Variants in CCSER2 observed in about 807,000 individuals in gnomAD.
The protein encoded by CCSER2 is coiled-coil serine rich protein 2, also known as serine-rich coiled-coil domain-containing protein 2.
In CCSER2, 46 loss-of-function variants were observed where a neutral mutation model predicts 92.3. That is an observed-to-expected ratio of 0.50 (90% CI 0.39 to 0.64). The LOEUF is 0.64. Among genes scored for constraint, CCSER2 ranks in the 30% least tolerant of loss-of-function variants. CCSER2 has a pLI of 0.00. For synonymous variants in CCSER2, 433 were observed against 431.4 expected (o/e 1.00, Z -0.04); for missense variants, 1,244 against 1,238.9 (o/e 1.00, Z -0.06).
rs569304020 is a variant in CCSER2, at chr10:84,394,187, A to T, written c.1614+20372A>T. ...TAGATTATGTTACAATATGAAGTTCAGTTCAATAATTCTTGAGCTTCTACT... is the reference window on the plus strand; with the variant it reads ...TAGATTATGTTACAATATGAAGTTCTGTTCAATAATTCTTGAGCTTCTACT... On this transcript the variant is annotated intron_variant, in intron 3 of 9. Coordinates refer to ENST00000372088, the MANE Select transcript of CCSER2 (RefSeq NM_001284240.2). Among the ~76,000 whole-genome samples the T allele has an allele frequency of 2.0e-5, 3 of 152,320 alleles. 1 individual carries two copies. In the South Asian group the frequency reaches 6.2e-4, roughly 32 times the overall value.
chr10:84,346,209 C>T (rs778156655), intron 1 of CCSER2, among the ~76,000 whole-genome samples: 1 of 152,130 alleles, frequency 6.6e-6, no homozygotes, highest in Non-Finnish European at 1.5e-5. Context: ...GGATTACAGG[C>T]ATGCACCACC....
chr10:84,356,743 A>T (rs1845194569), intron 1 of CCSER2, among the ~76,000 whole-genome samples: 1 of 152,160 alleles, frequency 6.6e-6, no homozygotes, highest in Non-Finnish European at 1.5e-5. Context: ...ATGCATTAGT[A>T]CCTGTTTTAC....
chr10:84,453,756 T>C (rs1845433990), intron 6 of CCSER2, among the ~76,000 whole-genome samples: 2 of 152,228 alleles, frequency 1.3e-5, no homozygotes, highest in Admixed American at 1.3e-4. Context: ...TTTCAGGCTA[T>C]TGTATCAGGT....
At chr10:84,432,522 C>T (rs1028528864) in intron 5 of CCSER2, among the ~76,000 whole-genome samples, 1 of 152,176 alleles carries the variant, frequency 6.6e-6, no homozygotes, top group East Asian at 1.9e-4. Flanking sequence ...TCTCTTCCAG[C>T]GTTAATTCGC....
intron 4 of CCSER2, among the ~76,000 whole-genome samples, chr10:84,423,054 CAA>C (rs201299980): frequency 7.3e-5 from 9 of 122,562 alleles, no homozygotes; most frequent in African/African-American, 6.0e-5. Flanking sequence ...GACTTCATCT[CAA>C]AAAAAAAAAA....
intron 1 of CCSER2, among the ~76,000 whole-genome samples, chr10:84,349,350 G>A (rs1389952197): frequency 6.6e-6 from 1 of 152,108 alleles, no homozygotes; most frequent in Non-Finnish European, 1.5e-5. Context: ...ACTGAGTCCT[G>A]TAGTTTCTCT....
Position 84,385,004 on chromosome 10 carries a change from AACACACACAC to A in CCSER2, c.1614+11210_1614+11219del, listed in dbSNP as rs56977232. On this transcript the variant is annotated intron_variant, in intron 3 of 9. Transcript: ENST00000372088. Reference sequence around the variant, plus strand: ...TGAGAGCTGAAATCAATTTACAATAAACACACACACACACACACACACACACACACCCAGG... The same window carrying A: ...TGAGAGCTGAAATCAATTTACAATAAACACACACACACACACACACCCAGG... Among the ~76,000 whole-genome samples, 126 of 145,886 alleles carry A rather than the reference AACACACACAC, an allele frequency of 8.6e-4. 2 individuals are homozygous for A. The highest frequency in any genetic ancestry group is 7.5e-3 in the Admixed American group (110 of 14,616).
intron 9 of CCSER2, among the ~76,000 whole-genome samples, chr10:84,511,963 C>T (rs1322733528): frequency 8.6e-5 from 13 of 152,042 alleles, no homozygotes; most frequent in Admixed American, 2.0e-4. Flanking sequence ...TTCTGCAATA[C>T]GATTTGATGT....
At chr10:84,346,343 C>A (rs954500379) in intron 1 of CCSER2, among the ~76,000 whole-genome samples, 1 of 151,406 alleles carries the variant, frequency 6.6e-6, no homozygotes, top group Non-Finnish European at 1.5e-5. Flanking sequence ...GGATTACAGG[C>A]GTGAGCCACC....
In CCSER2 at chr10:84,465,303, T is replaced by C. The variant is rs553129645; in HGVS notation, c.2148+1287T>C. On this transcript the variant is annotated intron_variant, in intron 7 of 9. Coordinates refer to ENST00000372088, the MANE Select transcript of CCSER2 (RefSeq NM_001284240.2). The stretch of plus-strand genomic sequence containing the variant: ...TGTGTGTGTGTGTGAAAAAGTTTTT[T>C]ACATGTAAAGATTTTTTTTTTTTTT... 2.7e-5 allele frequency among the ~76,000 whole-genome samples: 4 copies of C among 149,304 alleles called. No individual in the cohort carries two copies. In the South Asian group the frequency reaches 8.5e-4, roughly 32 times the overall value.
intron 6 of CCSER2, among the ~76,000 whole-genome samples, chr10:84,451,296 G>A (rs1209561262): frequency 1.3e-5 from 2 of 150,252 alleles, no homozygotes; most frequent in Non-Finnish European, 3.0e-5. Context: ...AAAGAACAGG[G>A]TCTTGCTGTG....
At chr10:84,469,971 TG>T (rs1199740805) in intron 7 of CCSER2, among the ~76,000 whole-genome samples, 7 of 151,900 alleles carry the variant, frequency 4.6e-5, no homozygotes, top group African/African-American at 1.7e-4. Context: ...GCTACTCTTA[TG>T]TATCCCTTGA....
At chr10:84,511,790 G>A (rs948184847) in intron 9 of CCSER2, among the ~76,000 whole-genome samples, 1 of 152,152 alleles carries the variant, frequency 6.6e-6, no homozygotes, top group Non-Finnish European at 1.5e-5. Flanking sequence ...GGGAACCCCA[G>A]GGAGAATCTG....
At chr10:84,347,411 C>T (rs1290190983) in intron 1 of CCSER2, among the ~76,000 whole-genome samples, 5 of 148,878 alleles carry the variant, frequency 3.4e-5, no homozygotes, top group Admixed American at 6.6e-5. Flanking sequence ...AGGGGGGGTG[C>T]TGACCCCCCA....
rs1564667385 is a variant in CCSER2 at position 84,441,734 on chromosome 10, A to ATTTTTTTTTTT, written c.2064+3028_2064+3029insTTTTTTTTTTT. 4.7e-4 allele frequency among the ~76,000 whole-genome samples: 50 copies of ATTTTTTTTTTT among 106,446 alleles called. 6 individuals carry two copies. The highest frequency in any genetic ancestry group is 6.7e-4 in the Non-Finnish European group (36 of 54,114). The allele number at this position is 106,446 out of a possible 152,430, so 69.8% of individuals were successfully genotyped here. ...GGGAATAAAGTAGAAGACTGGGAAA[A>ATTTTTTTTTTT]TGTTTTTTTTTTTTTTTTTTTTTTT... On this transcript the variant is annotated intron_variant, in intron 6 of 9. Coordinates refer to ENST00000372088, the MANE Select transcript of CCSER2 (RefSeq NM_001284240.2).
intron 6 of CCSER2, among the ~76,000 whole-genome samples, chr10:84,449,951 C>G (rs1845174563): frequency 6.6e-6 from 1 of 152,196 alleles, no homozygotes; most frequent in Admixed American, 6.5e-5. Flanking sequence ...TTCTAAAATG[C>G]TAAGCATAGT....
At chr10:84,355,278 T>C (rs1170854610) in intron 1 of CCSER2, among the ~76,000 whole-genome samples, 2 of 152,198 alleles carry the variant, frequency 1.3e-5, no homozygotes, top group African/African-American at 4.8e-5. Context: ...TATTCTTCCT[T>C]TCTTCTTATG....
chr10:84,460,974 C>T (rs1261092880), intron 6 of CCSER2, among the ~76,000 whole-genome samples: 5 of 151,968 alleles, frequency 3.3e-5, no homozygotes, highest in Non-Finnish European at 5.9e-5. Flanking sequence ...AATTTCTGCT[C>T]TTGATTATTT....
At position 84,428,323 on chromosome 10, in the gene CCSER2, C is replaced by T. The variant is rs1479912719; in HGVS notation, c.1868+2430C>T. Among the ~76,000 whole-genome samples, 8 of 152,282 alleles carry T rather than the reference C, an allele frequency of 5.3e-5. No homozygotes were observed. In the East Asian group the frequency reaches 1.5e-3, roughly 29 times the overall value. ...CATAAGGGGTGTTCAACCTAGATCC[C>T]TTGCATGCGCAGCTCACGATAGGGT... On this transcript the variant is annotated intron_variant, in intron 5 of 9. Coordinates refer to ENST00000372088, the MANE Select transcript of CCSER2 (RefSeq NM_001284240.2).
Sources: gnomAD v4.1 joint callset for allele counts (sites outside exome capture counted in the v4.1 genomes callset) on GRCh38, gnomAD v4.1.1 for gene constraint, MANE v1.5 for transcripts, NCBI Gene and HGNC (gene_info 2026-07-23, HGNC 2026-07-21) for gene names.